CPN1: variants seen among roughly 807,000 people sequenced by gnomAD.
The protein encoded by CPN1 is carboxypeptidase N subunit 1, also known as carboxypeptidase N catalytic chain.
Under a neutral mutation model 46.4 loss-of-function variants are expected in CPN1, and 37 were observed. The observed-to-expected ratio is 0.80, with a 90% CI of 0.61 to 1.05. CPN1 has a LOEUF of 1.05. CPN1 is among the 50% of genes least tolerant of loss of function. The probability of loss-of-function intolerance (pLI) is 0.00; values close to 1 mark genes in which losing one functional copy is unlikely to be tolerated. For missense variants in CPN1, 563 were observed against 602.6 expected (o/e 0.93, Z 0.69); for synonymous variants, 224 against 235.4 (o/e 0.95, Z 0.44).
At position 100,042,522 on chromosome 10, in the gene CPN1, C is replaced by G; in HGVS notation, c.1282G>C (p.Ala428Pro). 1 of 1,613,814 alleles carries G rather than the reference C, an allele frequency of 6.2e-7. No individual in the cohort carries two copies. The highest frequency in any genetic ancestry group is 8.5e-7 in the Non-Finnish European group (1 of 1,179,996). Residue 428 changes from alanine (A) to proline (P), a missense_variant, in exon 9 of 9, where the codon GCT (alanine) becomes CCT (proline). Coordinates refer to ENST00000370418, the MANE Select transcript of CPN1 (RefSeq NM_001308.3). ...SIPQVSPVRRAPSRRHGVRAK... is the reference protein window; with the variant it reads ...SIPQVSPVRRPPSRRHGVRAK... Reference sequence around the variant, plus strand: ...CTGACTCCGTGCCTTCTGCTGGGAGCTCTCCTCACAGGGCTTACTTGAGGG... The same window carrying G: ...CTGACTCCGTGCCTTCTGCTGGGAGGTCTCCTCACAGGGCTTACTTGAGGG...
intron 7 of CPN1, among the ~76,000 whole-genome samples, chr10:100,049,659 A>C (rs188694797): frequency 8.2e-4 from 125 of 152,164 alleles, no homozygotes; most frequent in Non-Finnish European, 1.5e-3. Context: ...CTTCCGCCTC[A>C]GCCTCCCAAA....
intron 5 of CPN1, among the ~76,000 whole-genome samples, chr10:100,061,829 A>G (rs2133437659): frequency 6.6e-6 from 1 of 152,286 alleles, no homozygotes; most frequent in East Asian, 1.9e-4. Flanking sequence ...AACATTTAAA[A>G]TTACGGATGT....
At chr10:100,071,944 A>T (rs919801240) in intron 2 of CPN1, among the ~76,000 whole-genome samples, 9 of 152,190 alleles carry the variant, frequency 5.9e-5, no homozygotes, top group Admixed American at 2.6e-4. Context: ...ATTTCCAAAT[A>T]AGATCATAGT....
rs1481553632 is a variant in CPN1, at chr10:100,048,707, A to G, written c.1230+51T>C. The G allele has an allele frequency of 3.1e-6, 4 of 1,300,130 alleles. No individual in the cohort carries two copies. In the African/African-American group the frequency reaches 4.4e-5, roughly 14 times the overall value. 80.5% of individuals were successfully genotyped at this position (1,300,130 alleles called of 1,614,324 possible). On this transcript the variant is annotated intron_variant, in intron 8 of 8. Transcript: ENST00000370418. ...GAGCAGGACACTGTCCTCCAAAAAA[A>G]GACTGTATAAGTGATCTCTACAGTG...
intron 8 of CPN1, among the ~76,000 whole-genome samples, chr10:100,043,423 A>C (rs1455214977): frequency 1.3e-5 from 2 of 151,966 alleles, no homozygotes; most frequent in Non-Finnish European, 2.9e-5. Flanking sequence ...AAAGAAAAGA[A>C]AGAAAAATAT....
chr10:100,051,613 C>T (rs1394148322), intron 7 of CPN1, among the ~76,000 whole-genome samples: 3 of 152,030 alleles, frequency 2.0e-5, no homozygotes, highest in African/African-American at 2.4e-5. Flanking sequence ...CTGCAACCTC[C>T]ACCTCCTGGG....
intron 6 of CPN1, among the ~76,000 whole-genome samples, chr10:100,054,841 CTTT>C (rs56250435): frequency 0.013 from 1,716 of 132,724 alleles, 27 homozygotes; most frequent in Middle Eastern, 0.05. Context: ...TTCTTTCTTT[CTTT>C]TTTTTTTTTT....
At position 100,065,216 on chromosome 10, in the gene CPN1, G is replaced by C; in HGVS notation, c.731C>G (p.Pro244Arg). 2 of 1,614,002 alleles carry C rather than the reference G, an allele frequency of 1.2e-6. No homozygotes were observed. Residue 244 changes from proline (P) to arginine (R), a missense_variant, in exon 4 of 9, where the codon CCC becomes CGC. Physicochemically the swap from Pro to Arg is moderately radical, Grantham distance 103. Transcript: ENST00000370418. ...CTGGAAGAGCTTGTCGTCAGGCGTG[G>C]GGGTGCTGGCGGTGCGGCGGACCCC... The part of the protein sequence containing the change: ...VRGVRRTAST[P>R]TPDDKLFQKL...
chr10:100,058,030 C>A (rs986296147), intron 5 of CPN1, among the ~76,000 whole-genome samples: 5 of 152,076 alleles, frequency 3.3e-5, no homozygotes, highest in African/African-American at 1.2e-4. Flanking sequence ...TTTTCTTCAT[C>A]AACTTCTATT....
chr10:100,059,605 A>AAT (rs1017413910), intron 5 of CPN1, among the ~76,000 whole-genome samples: 2 of 151,836 alleles, frequency 1.3e-5, no homozygotes, highest in Admixed American at 1.3e-4. Flanking sequence ...AAAAAAAAAA[A>AAT]AAAAGAGTTG....
At chr10:100,053,105 G>T (rs942546826) in intron 7 of CPN1, among the ~76,000 whole-genome samples, 3 of 152,216 alleles carry the variant, frequency 2.0e-5, no homozygotes, top group Non-Finnish European at 2.9e-5. Context: ...ACAGTCCTGT[G>T]TCCAGACATT....
Position 100,054,074 on chromosome 10 carries a change from G to A in CPN1, c.1111+273C>T, listed in dbSNP as rs1183401430. Among the ~76,000 whole-genome samples, 3 of 152,344 alleles carry A rather than the reference G, an allele frequency of 2.0e-5. No homozygotes were observed. In the South Asian group the frequency reaches 6.2e-4, roughly 32 times the overall value. ...AGCAACTCCTGAATGCTGATGAGAA[G>A]TTACATTTACATCAGTCTTTCCTGG... On this transcript the variant is annotated intron_variant, in intron 7 of 8. Transcript: ENST00000370418.
intron 5 of CPN1, 76 bp from the exon 6 acceptor site, chr10:100,057,228 C>G (rs373173017): frequency 2.6e-5 from 39 of 1,481,176 alleles, no homozygotes; most frequent in Non-Finnish European, 3.5e-5. Context: ...CTCTCTCTCT[C>G]TTTTTAAAAT....
At chr10:100,076,226 G>T in intron 1 of CPN1, 119 bp from the exon 2 acceptor site, 1 of 985,364 alleles carries the variant, frequency 1.0e-6, no homozygotes, top group Non-Finnish European at 1.6e-6. Context: ...CTTTCATTGG[G>T]TCTTTTGCAA....
At chr10:100,058,949 G>A (rs2041401178) in intron 5 of CPN1, among the ~76,000 whole-genome samples, 1 of 152,190 alleles carries the variant, frequency 6.6e-6, no homozygotes, top group Non-Finnish European at 1.5e-5. Flanking sequence ...GGACAGTCAT[G>A]TCAACAAATG....
chr10:100,081,501 C>T lies in CPN1; in HGVS notation c.125G>A (p.Cys42Tyr). 2 of 1,614,172 alleles carry T rather than the reference C, an allele frequency of 1.2e-6. No individual in the cohort carries two copies. The highest frequency in any genetic ancestry group is 1.7e-6 in the Non-Finnish European group (2 of 1,180,024). ...GCTGTAGACCCGCGTGATGCCGGGG[C>T]ATTCGTTTTGCACCTTGTACAGCGT... ...VRTLYKVQNE[C>Y]PGITRVYSIG... The change falls in exon 1 of 9, where the codon TGC becomes TAC. Residue 42 changes from cysteine (C) to tyrosine (Y), a missense_variant. Coordinates refer to ENST00000370418, the MANE Select transcript of CPN1 (RefSeq NM_001308.3).
At chr10:100,046,085 C>A (rs930288161) in intron 8 of CPN1, among the ~76,000 whole-genome samples, 9 of 152,158 alleles carry the variant, frequency 5.9e-5, no homozygotes, top group Admixed American at 5.9e-4. Flanking sequence ...CAAAGAAGTT[C>A]TTTGCTTCTC....
intron 8 of CPN1, among the ~76,000 whole-genome samples, chr10:100,046,465 G>C (rs903933726): frequency 6.6e-6 from 1 of 152,042 alleles, no homozygotes; most frequent in Non-Finnish European, 1.5e-5. Context: ...CAGAGAACCC[G>C]TCTCTACAAA....
At chr10:100,051,395 G>A (rs115564087) in intron 7 of CPN1, among the ~76,000 whole-genome samples, 218 of 152,154 alleles carry the variant, frequency 1.4e-3, no homozygotes, top group African/African-American at 4.7e-3. Context: ...AGCGAGTGTT[G>A]TATCAGAAAG....
Sources: gnomAD v4.1 joint callset for allele counts (sites outside exome capture counted in the v4.1 genomes callset) on GRCh38, gnomAD v4.1.1 for gene constraint, MANE v1.5 for transcripts, NCBI Gene and HGNC (gene_info 2026-07-23, HGNC 2026-07-21) for gene names.